The following BMPR1A variants were observed in gnomAD, a reference collection of about 807,000 sequenced individuals.
The protein encoded by BMPR1A is bone morphogenetic protein receptor type 1A, also known as bone morphogenetic protein receptor type-1A.
A neutral mutation model predicts 66.0 loss-of-function variants in BMPR1A; 7 were observed. That is an observed-to-expected ratio of 0.11 (90% CI 0.06 to 0.20). The LOEUF is 0.20. Ranked by LOEUF, BMPR1A falls within the 10% of genes least tolerant of loss-of-function variation. BMPR1A has a pLI of 1.00. For synonymous variants in BMPR1A, 200 were observed against 229.7 expected, an observed-to-expected ratio of 0.87 and a Z score of 1.17; for missense variants, 408 against 669.1, an observed-to-expected ratio of 0.61 and a Z score of 4.31.
chr10:86,857,718 T>C (rs1241592357), intron 2 of BMPR1A, among the ~76,000 whole-genome samples: 1 of 147,676 alleles, frequency 6.8e-6, no homozygotes, highest in African/African-American at 2.5e-5. Context: ...ATCCTCACAC[T>C]GTGACAGCTG....
chr10:86,837,231 C>CTGTGTG (rs140440137), intron 1 of BMPR1A, among the ~76,000 whole-genome samples: 11,876 of 143,688 alleles, frequency 0.083, 560 homozygotes, highest in African/African-American at 0.094. Flanking sequence ...TAGAATCAGG[C>CTGTGTG]TGTGTGTGTG....
chr10:86,787,890 C>T (rs1381686812), intron 1 of BMPR1A, among the ~76,000 whole-genome samples: 1 of 151,914 alleles, frequency 6.6e-6, no homozygotes, highest in Non-Finnish European at 1.5e-5. Flanking sequence ...CTGCCCCCCC[C>T]CATAATCCAA....
chr10:86,922,854 A>G (rs969290436), intron 11 of BMPR1A, among the ~76,000 whole-genome samples: 3 of 152,194 alleles, frequency 2.0e-5, no homozygotes, highest in African/African-American at 7.2e-5. Context: ...AGTTACCCTC[A>G]CCGTTTCCGG....
intron 1 of BMPR1A, among the ~76,000 whole-genome samples, chr10:86,757,917 G>A (rs796574799): frequency 1.2e-4 from 19 of 152,306 alleles, no homozygotes; most frequent in African/African-American, 3.9e-4. Flanking sequence ...TTACGTTTAG[G>A]AACATTTTTC....
At position 86,919,455 on chromosome 10, in the gene BMPR1A, T is replaced by C. The variant is rs1057520795; in HGVS notation, c.1152T>C (p.Ala384=). 9.3e-6 allele frequency: 15 copies of C among 1,613,454 alleles called. No homozygotes were observed. Among genetic ancestry groups the C allele is most frequent in the Non-Finnish European group, 1.3e-5 (15 of 1,179,880 alleles). ...GSCCIADLGL[A]VKFNSDTNEV... ...GCTGCATTGCTGACCTGGGCCTTGC[T>C]GTTAAATTCAACAGGTGAGTGGTTC... Residue 384 remains alanine, a synonymous_variant, in exon 10 of 13, where the codon GCT becomes GCC. Transcript: ENST00000372037.
At chr10:86,895,467 G>A (rs911666550) in intron 5 of BMPR1A, among the ~76,000 whole-genome samples, 2 of 151,994 alleles carry the variant, frequency 1.3e-5, no homozygotes, top group African/African-American at 4.8e-5. Flanking sequence ...GAACACAGGA[G>A]GTGGAGGTTG....
At chr10:86,881,081 T>C (rs894841044) in intron 3 of BMPR1A, among the ~76,000 whole-genome samples, 2 of 151,792 alleles carry the variant, frequency 1.3e-5, no homozygotes, top group African/African-American at 2.4e-5. Context: ...AGCTGGTCTC[T>C]ACAAAAAAAA....
In BMPR1A at chr10:86,786,311, C is replaced by G. The variant is rs570320751; in HGVS notation, c.-268+29392C>G. On this transcript the variant is annotated intron_variant, in intron 1 of 12. Coordinates refer to ENST00000372037, the MANE Select transcript of BMPR1A (RefSeq NM_004329.3). ...TTCTAACCGTTGTTCATTTCCCACC[C>G]CGACCCCTTTTTTCCCTAAAAGAAG... Among the ~76,000 whole-genome samples, 24 of 152,242 alleles carry G rather than the reference C, an allele frequency of 1.6e-4. No individual in the cohort carries two copies. In the South Asian group the frequency reaches 4.4e-3, roughly 28 times the overall value.
At chr10:86,793,893 C>T (rs1352658786) in intron 1 of BMPR1A, among the ~76,000 whole-genome samples, 3 of 152,258 alleles carry the variant, frequency 2.0e-5, no homozygotes, top group African/African-American at 7.2e-5. Context: ...CTCTTACAGC[C>T]TCTAGAGGCT....
intron 2 of BMPR1A, among the ~76,000 whole-genome samples, chr10:86,869,571 A>G (rs1842827666): frequency 6.6e-6 from 1 of 152,042 alleles, no homozygotes; most frequent in African/African-American, 2.4e-5. Flanking sequence ...AGCCTGACCA[A>G]CATGGAGAAA....
chr10:86,804,019 C>T (rs768171142), intron 1 of BMPR1A, among the ~76,000 whole-genome samples: 1 of 151,970 alleles, frequency 6.6e-6, no homozygotes, highest in Non-Finnish European at 1.5e-5. Context: ...ACTATTTTTC[C>T]ACTATATTTT....
intron 1 of BMPR1A, among the ~76,000 whole-genome samples, chr10:86,767,181 G>A (rs1176161541): frequency 6.6e-6 from 1 of 151,988 alleles, no homozygotes; most frequent in Non-Finnish European, 1.5e-5. Context: ...ATGATATAAG[G>A]TTTCTTTGCT....
chr10:86,840,380 G>GT (rs1310745898), intron 2 of BMPR1A, among the ~76,000 whole-genome samples: 1 of 151,980 alleles, frequency 6.6e-6, no homozygotes, highest in Non-Finnish European at 1.5e-5. Context: ...AGTTGTGATC[G>GT]TTTTTTTCTT....
At chr10:86,806,178 C>G (rs1841887407) in intron 1 of BMPR1A, among the ~76,000 whole-genome samples, 1 of 152,158 alleles carries the variant, frequency 6.6e-6, no homozygotes, top group African/African-American at 2.4e-5. Context: ...TCTAGGGTAT[C>G]AGAAGCATAC....
Position 86,875,915 on chromosome 10 carries a change from A to G in BMPR1A, c.-104A>G. 1 of 995,052 alleles carries G rather than the reference A, an allele frequency of 1.0e-6. No homozygotes were observed. Among genetic ancestry groups the G allele is most frequent in the Non-Finnish European group, 1.6e-6 (1 of 624,808 alleles). 61.6% of individuals were successfully genotyped at this position (995,052 alleles called of 1,614,324 possible). ...TTGAAGTCATTGTCAAGTGCTTGCG[A>G]TCTTTTACAAGAAAATCTCACTGAA... is the stretch of plus-strand genomic sequence containing the variant. On this transcript the variant is annotated 5_prime_UTR_variant, in exon 3 of 13. Coordinates refer to ENST00000372037, the MANE Select transcript of BMPR1A (RefSeq NM_004329.3).
intron 9 of BMPR1A, among the ~76,000 whole-genome samples, chr10:86,918,300 C>T (rs1317609708): frequency 2.0e-5 from 3 of 151,918 alleles, no homozygotes; most frequent in Non-Finnish European, 2.9e-5. Context: ...TGAATTTTGT[C>T]GGGGAGCACT....
intron 1 of BMPR1A, among the ~76,000 whole-genome samples, chr10:86,779,713 C>T (rs1343890210): frequency 6.6e-6 from 1 of 152,144 alleles, no homozygotes; most frequent in Non-Finnish European, 1.5e-5. Context: ...AATCCTCCTA[C>T]CTCAACTTCC....
At chr10:86,873,619 A>G (rs1842880907) in intron 2 of BMPR1A, among the ~76,000 whole-genome samples, 1 of 152,158 alleles carries the variant, frequency 6.6e-6, no homozygotes, top group Non-Finnish European at 1.5e-5. Flanking sequence ...TGATTTAGAC[A>G]GGTGGAGTGT....
rs1841588545 is a variant in BMPR1A at position 86,790,187 on chromosome 10, AAAT to A, written c.-268+33270_-268+33272del. 4.2e-4 allele frequency among the ~76,000 whole-genome samples: 12 copies of A among 28,486 alleles called. 1 individual carries two copies. Among genetic ancestry groups the A allele is most frequent in the African/African-American group, 2.8e-3 (12 of 4,262 alleles). 18.7% of individuals were successfully genotyped at this position (28,486 alleles called of 152,430 possible). A position where few individuals can be genotyped will look rare whatever the true frequency, so the allele number is the denominator to read the frequency against. On this transcript the variant is annotated intron_variant, in intron 1 of 12. Transcript: ENST00000372037. ...CAAAAAAAAAAAAAAAAAAAAAAAA[AAAT>A]ATATATATATATATATATATATATA...
Sources: allele counts gnomAD v4.1 joint callset (sites outside exome capture counted in the v4.1 genomes callset), GRCh38; gene constraint gnomAD v4.1.1; transcripts MANE v1.5; gene names NCBI Gene and HGNC (gene_info 2026-07-23, HGNC 2026-07-21).